PGCKA1: variants seen among roughly 807,000 people sequenced by gnomAD.
The protein encoded by PGCKA1 is PDCD10 and GCKIII kinases associated 1.
the PGCKA1 span, chr4:37,590,707 G>C: frequency 3.7e-6 from 6 of 1,614,020 alleles, no homozygotes; most frequent in Admixed American, 3.3e-5. Flanking sequence ...TGAATCCCTA[G>C]AGGGAATTCA....
chr4:37,579,194 T>C, the PGCKA1 span, among the ~76,000 whole-genome samples: 1 of 152,230 alleles, frequency 6.6e-6, no homozygotes, highest in Non-Finnish European at 1.5e-5. Context: ...TTTTAACTTT[T>C]TGTTGTATCT....
At chr4:37,543,931 C>T in the PGCKA1 span, among the ~76,000 whole-genome samples, 1 of 152,150 alleles carries the variant, frequency 6.6e-6, no homozygotes, top group African/African-American at 2.4e-5. Context: ...TGGGATCTCC[C>T]ATCACCATCA....
At chr4:37,478,427 T>C in the PGCKA1 span, among the ~76,000 whole-genome samples, 1 of 152,026 alleles carries the variant, frequency 6.6e-6, no homozygotes, top group Non-Finnish European at 1.5e-5. Flanking sequence ...GTGAATATAG[T>C]AGCCTATTCT....
the PGCKA1 span, among the ~76,000 whole-genome samples, chr4:37,519,236 T>A: frequency 6.6e-6 from 1 of 152,110 alleles, no homozygotes; most frequent in Non-Finnish European, 1.5e-5. Flanking sequence ...TTAGGATAGC[T>A]CTCGCTATTC....
At chr4:37,514,636 G>A in the PGCKA1 span, among the ~76,000 whole-genome samples, 2 of 152,026 alleles carry the variant, frequency 1.3e-5, no homozygotes, top group African/African-American at 4.8e-5. Flanking sequence ...AAAATTATAT[G>A]GTATGATTTC....
the PGCKA1 span, among the ~76,000 whole-genome samples, chr4:37,470,895 T>G: frequency 6.6e-6 from 1 of 152,206 alleles, no homozygotes; most frequent in Admixed American, 6.5e-5. Context: ...TTCCATAAAT[T>G]AAAACTTCGA....
At chr4:37,564,752 C>T in the PGCKA1 span, among the ~76,000 whole-genome samples, 1 of 152,126 alleles carries the variant, frequency 6.6e-6, no homozygotes, top group Non-Finnish European at 1.5e-5. Flanking sequence ...GGTGATCCAC[C>T]TGCCTCGGCC....
the PGCKA1 span, among the ~76,000 whole-genome samples, chr4:37,486,878 C>T: frequency 4.6e-5 from 7 of 152,286 alleles, no homozygotes; most frequent in Admixed American, 3.9e-4. Context: ...TTATCTTCAT[C>T]TTGGACACCT....
the PGCKA1 span, among the ~76,000 whole-genome samples, chr4:37,547,678 A>G: frequency 6.6e-6 from 1 of 152,132 alleles, no homozygotes; most frequent in African/African-American, 2.4e-5. Flanking sequence ...ATAGACAATT[A>G]CACCTGGTTT....
chr4:37,483,466 C>T, the PGCKA1 span, among the ~76,000 whole-genome samples: 9 of 152,174 alleles, frequency 5.9e-5, no homozygotes, highest in African/African-American at 2.2e-4. Flanking sequence ...ACACCACAGG[C>T]AAGGTCTGGT....
the PGCKA1 span, among the ~76,000 whole-genome samples, chr4:37,576,403 T>C: frequency 1.3e-5 from 2 of 152,144 alleles, no homozygotes; most frequent in African/African-American, 4.8e-5. Context: ...CATATAGAAA[T>C]GCTACAGGTT....
At chr4:37,543,297 A>AC in the PGCKA1 span, among the ~76,000 whole-genome samples, 2 of 151,956 alleles carry the variant, frequency 1.3e-5, no homozygotes, top group African/African-American at 4.8e-5. Flanking sequence ...TCTCCACTGA[A>AC]CCCCCTGCCT....
chr4:37,495,410 T>C, the PGCKA1 span, among the ~76,000 whole-genome samples: 1 of 152,118 alleles, frequency 6.6e-6, no homozygotes, highest in Admixed American at 6.5e-5. Flanking sequence ...TATAAATCAT[T>C]CTATAAATAC....
chr4:37,545,767 TCTGTATATTG>T, the PGCKA1 span, among the ~76,000 whole-genome samples: 1 of 151,954 alleles, frequency 6.6e-6, no homozygotes, highest in East Asian at 2.0e-4. Flanking sequence ...TCTCTGAAAC[TCTGTATATTG>T]TCCTCCTGCC....
the PGCKA1 span, among the ~76,000 whole-genome samples, chr4:37,566,797 CT>C: frequency 2.6e-5 from 4 of 151,970 alleles, no homozygotes; most frequent in Non-Finnish European, 5.9e-5. Context: ...GGTCAGGCTG[CT>C]CTAGAACTCC....
At chr4:37,459,934 A>G in the PGCKA1 span, among the ~76,000 whole-genome samples, 2 of 151,410 alleles carry the variant, frequency 1.3e-5, no homozygotes, top group East Asian at 3.9e-4. Context: ...CTGTCAACCC[A>G]TCACCTAGAT....
the PGCKA1 span, chr4:37,590,985 G>A: frequency 6.2e-7 from 1 of 1,610,750 alleles, no homozygotes; most frequent in Non-Finnish European, 8.5e-7. Flanking sequence ...GAGAAGATTT[G>A]GATGAGACTG....
the PGCKA1 span, among the ~76,000 whole-genome samples, chr4:37,557,675 G>A: frequency 7.9e-5 from 12 of 152,202 alleles, no homozygotes; most frequent in African/African-American, 2.9e-4. Flanking sequence ...CAGACATTCA[G>A]TCCATAGTAG....
chr4:37,515,272 A>C, the PGCKA1 span, among the ~76,000 whole-genome samples: 1 of 138,260 alleles, frequency 7.2e-6, no homozygotes, highest in South Asian at 2.2e-4. Context: ...CCCTGATCTC[A>C]GACTTCCAAC....
Sources: allele counts gnomAD v4.1 joint callset (sites outside exome capture counted in the v4.1 genomes callset), GRCh38; gene constraint gnomAD v4.1.1; transcripts MANE v1.5; gene names NCBI Gene and HGNC (gene_info 2026-07-23, HGNC 2026-07-21).